Variants in FAF1 observed in about 807,000 individuals in gnomAD.
The protein encoded by FAF1 is FAS-associated factor 1.
FAF1 carries 25 observed loss-of-function variants against 92.5 expected under a neutral mutation model. That is an observed-to-expected ratio of 0.27 (90% confidence interval 0.20 to 0.38). FAF1 has a LOEUF of 0.38. Among genes scored for constraint, FAF1 ranks in the 10% least tolerant of loss-of-function variants. The pLI is 1.00. For missense variants in FAF1, 636 were observed against 793.3 expected, an observed-to-expected ratio of 0.80 and a Z score of 2.38; for synonymous variants, 234 against 273.2, an observed-to-expected ratio of 0.86 and a Z score of 1.42.
At chr1:50,634,134 C>T (rs1019738075) in intron 8 of FAF1, among the ~76,000 whole-genome samples, 1 of 152,074 alleles carries the variant, frequency 6.6e-6, no homozygotes. Context: ...GTTCAAAAGG[C>T]TACTTACCAT....
At chr1:50,544,187 G>A (rs182543734) in intron 13 of FAF1, among the ~76,000 whole-genome samples, 1 of 152,080 alleles carries the variant, frequency 6.6e-6, no homozygotes, top group Non-Finnish European at 1.5e-5. Context: ...TATGAGTTTC[G>A]GTGGGGATGC....
chr1:50,723,456 CT>C (rs1658498696), intron 6 of FAF1, among the ~76,000 whole-genome samples: 1 of 151,904 alleles, frequency 6.6e-6, no homozygotes, highest in South Asian at 2.1e-4. Context: ...TCAGCATGTC[CT>C]TCTAATAACT....
chr1:50,526,243 C>T (rs969000498), intron 15 of FAF1, among the ~76,000 whole-genome samples: 2 of 151,932 alleles, frequency 1.3e-5, no homozygotes, highest in African/African-American at 4.8e-5. Context: ...ATTTGCCTAC[C>T]TTGGCCTGCT....
chr1:50,519,398 A>T (rs140640601), intron 15 of FAF1, among the ~76,000 whole-genome samples: 2 of 59,580 alleles, frequency 3.4e-5, no homozygotes, highest in South Asian at 1.2e-3. Flanking sequence ...GAGGGAGGGA[A>T]GGAGGGAGGG....
intron 1 of FAF1, among the ~76,000 whole-genome samples, chr1:50,934,970 T>A (rs1645075079): frequency 6.6e-6 from 1 of 152,232 alleles, no homozygotes; most frequent in Non-Finnish European, 1.5e-5. Context: ...CTTTGGTTTT[T>A]AGCAATTTGA....
intron 18 of FAF1, among the ~76,000 whole-genome samples, chr1:50,470,157 A>T (rs1646553641): frequency 6.6e-6 from 1 of 152,218 alleles, no homozygotes; most frequent in Admixed American, 6.5e-5. Flanking sequence ...AGGTTTTTGT[A>T]GTACAAAATA....
At chr1:50,926,354 A>C (rs1441789399) in intron 1 of FAF1, among the ~76,000 whole-genome samples, 1 of 152,190 alleles carries the variant, frequency 6.6e-6, no homozygotes, top group Non-Finnish European at 1.5e-5. Flanking sequence ...GCTCTCAGTC[A>C]TATGTAGGAG....
intron 13 of FAF1, among the ~76,000 whole-genome samples, chr1:50,562,607 C>T (rs1011127140): frequency 6.6e-6 from 1 of 152,290 alleles, no homozygotes. Context: ...TCTTTGACCC[C>T]CTTGGGTACA....
intron 3 of FAF1, among the ~76,000 whole-genome samples, chr1:50,791,687 G>C (rs558479377): frequency 6.6e-6 from 1 of 152,152 alleles, no homozygotes; most frequent in African/African-American, 2.4e-5. Flanking sequence ...TCTCCTCTGC[G>C]CTTCATGATT....
chr1:50,592,501 C>A (rs78389037), intron 9 of FAF1, among the ~76,000 whole-genome samples: 3,123 of 152,214 alleles, frequency 0.021, 105 homozygotes, highest in African/African-American at 0.072. Context: ...CGTAAAGAAA[C>A]TGTGTCTGTA....
At chr1:50,959,701 A>C (rs2124771765) in intron 1 of FAF1, 66 bp downstream of exon 1, 2 of 1,389,368 alleles carry the variant, frequency 1.4e-6, no homozygotes, top group Non-Finnish European at 2.0e-6. Context: ...TGGGAAGAAG[A>C]CTCCCTTGTG....
Position 50,707,637 on chromosome 1 carries a change from T to C in FAF1, c.552-1746A>G, listed in dbSNP as rs540273192. Reference sequence around the variant, plus strand: ...TGAACCCAGAAGGTGGAGGTTGCAGTGAGCTGAGATGGCACCACTGCACTC... The same window carrying C: ...TGAACCCAGAAGGTGGAGGTTGCAGCGAGCTGAGATGGCACCACTGCACTC... On this transcript the variant is annotated intron_variant, in intron 6 of 18. Transcript: ENST00000396153. Among the ~76,000 whole-genome samples the C allele has an allele frequency of 5.3e-5, 8 of 151,168 alleles. No individual in the cohort carries two copies. The East Asian group carries it at 1.6e-3, about 30-fold the overall frequency.
In FAF1 at chr1:50,826,305, C is replaced by G. The variant is rs532734912; in HGVS notation, c.115-24628G>C. ...GTGGCTCATGCCTGTAATCCCAGCACTTTTGGAGGCTGAAGCGGGTGGATC... is the reference window on the plus strand; with the variant it reads ...GTGGCTCATGCCTGTAATCCCAGCAGTTTTGGAGGCTGAAGCGGGTGGATC... On this transcript the variant is annotated intron_variant, in intron 2 of 18. Coordinates refer to ENST00000396153, the MANE Select transcript of FAF1 (RefSeq NM_007051.3). Among the ~76,000 whole-genome samples, 3 of 152,080 alleles carry G rather than the reference C, an allele frequency of 2.0e-5. No homozygotes were observed. The East Asian group carries it at 5.8e-4, about 29-fold the overall frequency.
intron 15 of FAF1, among the ~76,000 whole-genome samples, chr1:50,500,904 G>A (rs1404499528): frequency 6.6e-6 from 1 of 152,094 alleles, no homozygotes. Context: ...AACATTTCTT[G>A]ACCAGGGAAA....
At position 50,538,015 on chromosome 1, in the gene FAF1, A is replaced by C. The variant is rs144224236; in HGVS notation, c.1405+1577T>G. 3.8e-3 allele frequency among the ~76,000 whole-genome samples: 583 copies of C among 152,166 alleles called. 8 individuals carry two copies. The highest frequency in any genetic ancestry group is 0.013 in the African/African-American group (539 of 41,536). ...CTTTGAAAGGATCTTTTATCTATAC[A>C]TGATTTTATAACATACATTGGTCAT... is the stretch of plus-strand genomic sequence containing the variant. On this transcript the variant is annotated intron_variant, in intron 14 of 18. Transcript: ENST00000396153.
At chr1:50,637,443 AC>A (rs1183312335) in intron 8 of FAF1, among the ~76,000 whole-genome samples, 1 of 150,846 alleles carries the variant, frequency 6.6e-6, no homozygotes, top group East Asian at 2.0e-4. Context: ...ACAGAGCAAG[AC>A]TCCGTCTCAA....
At chr1:50,775,720 T>C (rs1660933002) in intron 4 of FAF1, among the ~76,000 whole-genome samples, 1 of 151,970 alleles carries the variant, frequency 6.6e-6, no homozygotes, top group African/African-American at 2.4e-5. Context: ...ATTATCTTAA[T>C]TAATCAAAGA....
intron 1 of FAF1, among the ~76,000 whole-genome samples, chr1:50,872,410 C>T (rs906635806): frequency 3.9e-5 from 6 of 152,166 alleles, no homozygotes; most frequent in Non-Finnish European, 7.4e-5. Context: ...TGAATAGATA[C>T]GAAGTTGCTT....
At chr1:50,842,575 G>A (rs10749688) in intron 2 of FAF1, among the ~76,000 whole-genome samples, 151,684 of 152,176 alleles carry the variant, frequency 1, 75,599 homozygotes, top group Middle Eastern at 1. Context: ...TTCTCCTCTA[G>A]GCACACTCCT....
Sources: gnomAD v4.1 joint callset for allele counts (sites outside exome capture counted in the v4.1 genomes callset) on GRCh38, gnomAD v4.1.1 for gene constraint, MANE v1.5 for transcripts, NCBI Gene and HGNC (gene_info 2026-07-23, HGNC 2026-07-21) for gene names.